The following CAMLG variants were observed in gnomAD, a reference collection of about 807,000 sequenced individuals.
CAMLG encodes guided entry of tail-anchored proteins factor CAMLG.
A neutral mutation model predicts 28.9 loss-of-function variants in CAMLG; 23 were observed. That is an observed-to-expected ratio of 0.80 (90% CI 0.57 to 1.13). The LOEUF (loss-of-function observed/expected upper bound fraction) is 1.13, where lower values mean the gene tolerates loss of function less well. CAMLG is among the 50% of genes most tolerant of loss of function. The pLI, the probability that CAMLG is intolerant of heterozygous loss-of-function variation, is 0.00. For missense variants in CAMLG, 367 were observed against 371.9 expected (o/e 0.99, Z 0.11); for synonymous variants, 141 against 146.5 (o/e 0.96, Z 0.27).
At chr5:134,750,533 A>G (rs955099862) in intron 3 of CAMLG, among the ~76,000 whole-genome samples, 1 of 151,736 alleles carries the variant, frequency 6.6e-6, no homozygotes, top group Non-Finnish European at 1.5e-5. Flanking sequence ...GCGAGACTCC[A>G]TCTCAAAAAA....
rs1314608637 is a variant in CAMLG at position 134,750,881 on chromosome 5, C to G, written c.822C>G (p.Leu274=). Residue 274 remains leucine, a synonymous_variant, in exon 4 of 4, where the codon CTC becomes CTG. Coordinates refer to ENST00000297156, the MANE Select transcript of CAMLG (RefSeq NM_001745.4). The stretch of plus-strand genomic sequence containing the variant: ...AAATGGGCGAAGTCTTCACAGATCT[C>G]TGTGTCTACTTTTTCACTTTTATCT... ...YSKMGEVFTD[L]CVYFFTFIFC... 3.1e-6 allele frequency: 5 copies of G among 1,613,678 alleles called. No homozygotes were observed. The highest frequency in any genetic ancestry group is 1.7e-6 in the Non-Finnish European group (2 of 1,179,956).
intron 3 of CAMLG, among the ~76,000 whole-genome samples, chr5:134,750,153 A>G (rs1408156473): frequency 6.6e-6 from 1 of 152,184 alleles, no homozygotes; most frequent in African/African-American, 2.4e-5. Flanking sequence ...CCTGTCTAGT[A>G]ATATTTTTCT....
At chr5:134,747,609 G>T (rs555868859) in intron 3 of CAMLG, among the ~76,000 whole-genome samples, 191 of 150,632 alleles carry the variant, frequency 1.3e-3, no homozygotes, top group Non-Finnish European at 2.2e-3. Context: ...GCCCCCCAAA[G>T]TGCTGGGATT....
intron 1 of CAMLG, 67 bp downstream of exon 1, chr5:134,738,859 C>A: frequency 6.8e-7 from 1 of 1,470,126 alleles, no homozygotes; most frequent in Non-Finnish European, 9.5e-7. Flanking sequence ...ATTCTTCCCT[C>A]TCCCACCTCC....
In CAMLG at chr5:134,741,400, T is replaced by G. The variant is rs374002051; in HGVS notation, c.510T>G (p.Ile170Met). Residue 170 changes from isoleucine (I) to methionine (M), a missense_variant, in exon 2 of 4, where the codon ATT (isoleucine) becomes ATG (methionine). Physicochemically the swap from Ile to Met is conservative, Grantham distance 10 (BLOSUM62 1). Transcript: ENST00000297156. ...EEAMKLRKQL[I>M]SEKPSQEDGN... is the part of the protein sequence containing the mutation. ...CAATGAAGCTAAGGAAACAGCTGAT[T>G]AGTGAAAAACCCAGTCAAGAGGATG... 3.1e-6 allele frequency: 5 copies of G among 1,613,946 alleles called. No individual in the cohort carries two copies. The highest frequency in any genetic ancestry group is 2.7e-5 in the African/African-American group (2 of 74,926).
At chr5:134,738,852 C>A in intron 1 of CAMLG, 60 bp downstream of exon 1, 3 of 1,519,232 alleles carry the variant, frequency 2.0e-6, no homozygotes, top group Non-Finnish European at 1.8e-6. Flanking sequence ...CAGGGTCATT[C>A]TTCCCTCTCC....
rs1161447787 is a variant in CAMLG at position 134,745,480 on chromosome 5, C to T, written c.699+1428C>T. 4.6e-5 allele frequency among the ~76,000 whole-genome samples: 7 copies of T among 150,578 alleles called. No homozygotes were observed. The East Asian group carries it at 1.4e-3, about 30-fold the overall frequency. On this transcript the variant is annotated intron_variant, in intron 3 of 3. Coordinates refer to ENST00000297156, the MANE Select transcript of CAMLG (RefSeq NM_001745.4). ...AGAAATTCACCTTTGAGGCTGGGCGCCGTGGCTCACGCCCTAATCCCAGCA... is the reference window on the plus strand; with the variant it reads ...AGAAATTCACCTTTGAGGCTGGGCGTCGTGGCTCACGCCCTAATCCCAGCA...
chr5:134,740,854 C>G (rs1180667638), intron 1 of CAMLG, among the ~76,000 whole-genome samples: 1 of 152,180 alleles, frequency 6.6e-6, no homozygotes, highest in Non-Finnish European at 1.5e-5. Context: ...ATGATCCGCC[C>G]GCCTCAGCCT....
At position 134,752,002 on chromosome 5, in the gene CAMLG, AACTC is replaced by A. The variant is rs1444874501; in HGVS notation, c.*1054_*1057del. 1.3e-5 allele frequency: 2 copies of A among 152,174 alleles called. No individual in the cohort carries two copies. Among genetic ancestry groups the A allele is most frequent in the African/African-American group, 4.8e-5 (2 of 41,446 alleles). 9.4% of individuals were successfully genotyped at this position (152,174 alleles called of 1,614,324 possible). On this transcript the variant is annotated 3_prime_UTR_variant, in exon 4 of 4. Transcript: ENST00000297156. Reference sequence around the variant, plus strand: ...TGGCCTTATAAATATCCTTTTAACTAACTCAGTAACTGCCATATTTTGTTGGGTT... The same window carrying A: ...TGGCCTTATAAATATCCTTTTAACTAAGTAACTGCCATATTTTGTTGGGTT...
At chr5:134,744,265 T>C (rs1753019428) in intron 3 of CAMLG, among the ~76,000 whole-genome samples, 1 of 152,200 alleles carries the variant, frequency 6.6e-6, no homozygotes, top group Admixed American at 6.5e-5. Flanking sequence ...GGCTCACGCC[T>C]GTAATCCCCA....
intron 3 of CAMLG, among the ~76,000 whole-genome samples, chr5:134,750,121 G>T (rs2150122667): frequency 6.6e-6 from 1 of 152,258 alleles, no homozygotes. Flanking sequence ...ATCCATGTCA[G>T]TCATTTAGCA....
chr5:134,739,282 C>G (rs1752956113), intron 1 of CAMLG, among the ~76,000 whole-genome samples: 1 of 152,164 alleles, frequency 6.6e-6, no homozygotes, highest in South Asian at 2.1e-4. Context: ...GAACTGCCCG[C>G]TAGTTCATCC....
chr5:134,746,507 A>C (rs768764441), intron 3 of CAMLG, among the ~76,000 whole-genome samples: 11 of 152,002 alleles, frequency 7.2e-5, no homozygotes, highest in Non-Finnish European at 1.2e-4. Context: ...TTTGAGACAG[A>C]GTATCACTCT....
chr5:134,743,777 C>T (rs1258031371), intron 2 of CAMLG, among the ~76,000 whole-genome samples: 1 of 150,484 alleles, frequency 6.6e-6, no homozygotes, highest in Non-Finnish European at 1.5e-5. Flanking sequence ...GAGGCACGAG[C>T]ATCGCTTGAA....
At chr5:134,744,155 C>T in intron 3 of CAMLG, 103 bp downstream of exon 3, 1 of 609,808 alleles carries the variant, frequency 1.6e-6, no homozygotes, top group Non-Finnish European at 2.9e-6. Flanking sequence ...CGGTCTGAAT[C>T]AGTGCTACTC....
intron 1 of CAMLG, among the ~76,000 whole-genome samples, chr5:134,740,855 G>T (rs1346388574): frequency 6.6e-6 from 1 of 152,104 alleles, no homozygotes; most frequent in African/African-American, 2.4e-5. Flanking sequence ...TGATCCGCCC[G>T]CCTCAGCCTC....
intron 3 of CAMLG, among the ~76,000 whole-genome samples, chr5:134,748,952 C>T (rs1753081710): frequency 6.6e-6 from 1 of 151,858 alleles, no homozygotes. Flanking sequence ...TATCTAGTCT[C>T]CTATAGATGG....
In CAMLG at chr5:134,741,062, G is replaced by A. The variant is rs1178936574; in HGVS notation, c.173-1G>A. ...TAAGGCTTTTACATTTCTTTTCTCA[G>A]AAGAAGAAAGTCAAACAAAATCAAA... On this transcript the variant is annotated splice_acceptor_variant, in intron 1 of 3. Transcript: ENST00000297156. LOFTEE classifies it high-confidence loss of function. The A allele has an allele frequency of 1.2e-6, 2 of 1,602,272 alleles. No individual in the cohort carries two copies. The highest frequency in any genetic ancestry group is 2.7e-5 in the African/African-American group (2 of 74,520).
intron 1 of CAMLG, among the ~76,000 whole-genome samples, chr5:134,739,368 G>T (rs1207374270): frequency 6.6e-6 from 1 of 152,080 alleles, no homozygotes; most frequent in Non-Finnish European, 1.5e-5. Context: ...CCTACGGGCC[G>T]GCTAGAAAAG....
Sources: allele counts gnomAD v4.1 joint callset (sites outside exome capture counted in the v4.1 genomes callset), GRCh38; gene constraint gnomAD v4.1.1; transcripts MANE v1.5; gene names NCBI Gene and HGNC (gene_info 2026-07-23, HGNC 2026-07-21).